The following IGFL4 variants were observed in gnomAD, a reference collection of about 807,000 sequenced individuals.
The protein encoded by IGFL4 is insulin growth factor-like family member 4.
IGFL4 carries 12 observed loss-of-function variants against 15.4 expected under a neutral mutation model. The observed-to-expected ratio is 0.78, with a 90% confidence interval of 0.50 to 1.26. The LOEUF (loss-of-function observed/expected upper bound fraction) is 1.26, where lower values mean the gene tolerates loss of function less well. Ranked by LOEUF, IGFL4 falls within the 50% of genes most tolerant of loss-of-function variation. The pLI is 0.00. For missense variants in IGFL4, 126 were observed against 147.8 expected, an observed-to-expected ratio of 0.85 and a Z score of 0.76; for synonymous variants, 54 against 55.9, an observed-to-expected ratio of 0.97 and a Z score of 0.16.
chr19:46,052,599 GT>G (rs1458579646), intron 2 of IGFL4, among the ~76,000 whole-genome samples: 4 of 152,004 alleles, frequency 2.6e-5, no homozygotes, highest in African/African-American at 7.3e-5. Flanking sequence ...GCATGTGCCT[GT>G]AATCCCAGCT....
Position 46,040,139 on chromosome 19 carries a change from C to A in IGFL4, c.330+18G>T. The A allele has an allele frequency of 6.2e-7, 1 of 1,612,502 alleles. No individual in the cohort carries two copies. The highest frequency in any genetic ancestry group is 8.5e-7 in the Non-Finnish European group (1 of 1,179,330). Reference sequence around the variant, plus strand: ...CTACTCCCCCCTCCCACAGCCTGGACTGGAGTCAGATCCTTACCTGGGCAC... The same window carrying A: ...CTACTCCCCCCTCCCACAGCCTGGAATGGAGTCAGATCCTTACCTGGGCAC... On this transcript the variant is annotated intron_variant, in intron 3 of 3. Transcript: ENST00000377697. This position sits in a 1 kb window ranked among gnomAD's most constrained non-coding sequence, Gnocchi z 4.1.
intron 2 of IGFL4, among the ~76,000 whole-genome samples, chr19:46,051,514 C>T (rs1254775028): frequency 6.6e-6 from 1 of 152,186 alleles, no homozygotes; most frequent in African/African-American, 2.4e-5. Flanking sequence ...CGCTGCACTC[C>T]AACCTGGGTG....
chr19:46,040,287 G>C lies in IGFL4; in HGVS notation c.200C>G (p.Thr67Ser). The change falls in exon 3 of 4, where the codon ACC becomes AGC. Residue 67 changes from threonine (T) to serine (S), a missense_variant. Thr to Ser is a moderately conservative substitution (Grantham distance 58). Coordinates refer to ENST00000377697, the MANE Select transcript of IGFL4 (RefSeq NM_001002923.3). The surrounding 1 kb of genome is among the most constrained non-coding windows in gnomAD (Gnocchi z 4.1). Reference protein sequence around the residue: ...NQTRLCGSSCTFWPCFQHCCL... With the variant: ...NQTRLCGSSCSFWPCFQHCCL... ...GCAGTGCTGGAAGCAGGGCCAGAAGGTGCAGCTGGAGCCGCAGAGCCGGGT... is the reference window on the plus strand; with the variant it reads ...GCAGTGCTGGAAGCAGGGCCAGAAGCTGCAGCTGGAGCCGCAGAGCCGGGT... 2 of 1,614,178 alleles carry C rather than the reference G, an allele frequency of 1.2e-6. No homozygotes were observed. Among genetic ancestry groups the C allele is most frequent in the Non-Finnish European group, 1.7e-6 (2 of 1,180,018 alleles).
At position 46,039,735 on chromosome 19, in the gene IGFL4, T is replaced by C. The variant is rs950307667; in HGVS notation, c.*157A>G. ...TAAGAATGCTTGTGATTTTTGTACA[T>C]TGATTTTGTATCCTGAGACTTTGCT... On this transcript the variant is annotated 3_prime_UTR_variant, in exon 4 of 4. Coordinates refer to ENST00000377697, the MANE Select transcript of IGFL4 (RefSeq NM_001002923.3). 27 of 635,162 alleles carry C rather than the reference T, an allele frequency of 4.3e-5. No homozygotes were observed. The South Asian group carries it at 4.6e-4, about 11-fold the overall frequency. The allele number at this position is 635,162 out of a possible 1,614,324, so 39.3% of individuals were successfully genotyped here.
At chr19:46,060,140 G>A (rs1461218333) in intron 2 of IGFL4, 1 of 152,144 alleles carries the variant, frequency 6.6e-6, no homozygotes, top group Non-Finnish European at 1.5e-5. Context: ...GATCCTTATT[G>A]TACTTATGCA....
rs1969234128 is a variant in IGFL4, at chr19:46,040,729, G to A, written c.20-161C>T. The A allele has an allele frequency of 3.1e-6, 3 of 975,162 alleles. No individual in the cohort carries two copies. Among genetic ancestry groups the A allele is most frequent in the Admixed American group, 2.1e-5 (1 of 48,504 alleles). 60.4% of individuals were successfully genotyped at this position (975,162 alleles called of 1,614,324 possible). ...GTCCTGGGGACTGGGCTTGGCAGGT[G>A]AGGAAAGGCAGGGAGGGCTCTGGGA... On this transcript the variant is annotated intron_variant, in intron 1 of 3. Coordinates refer to ENST00000377697, the MANE Select transcript of IGFL4 (RefSeq NM_001002923.3). The surrounding 1 kb of genome is among the most constrained non-coding windows in gnomAD (Gnocchi z 4.1).
intron 1 of IGFL4, among the ~76,000 whole-genome samples, chr19:46,064,723 A>G (rs1180147214): frequency 6.6e-6 from 1 of 152,148 alleles, no homozygotes; most frequent in Non-Finnish European, 1.5e-5. Context: ...GTTGTTTCCA[A>G]ATTTTGGCTA....
At chr19:46,050,295 A>C (rs1969333821) in intron 2 of IGFL4, among the ~76,000 whole-genome samples, 1 of 152,242 alleles carries the variant, frequency 6.6e-6, no homozygotes. Context: ...CTAGCTCACC[A>C]GCAATGGATC....
chr19:46,057,808 G>A (rs1391863682), intron 2 of IGFL4: 1 of 152,116 alleles, frequency 6.6e-6, no homozygotes, highest in Non-Finnish European at 1.5e-5. Flanking sequence ...TTGTGCAAGG[G>A]AACTCTCATT....
chr19:46,073,497 C>T (rs1278360884), intron 1 of IGFL4, among the ~76,000 whole-genome samples: 1 of 152,142 alleles, frequency 6.6e-6, no homozygotes, highest in Non-Finnish European at 1.5e-5. Flanking sequence ...CACAAGATAA[C>T]CAGCCAGGTG....
At chr19:46,073,655 C>T (rs1369102865) in intron 1 of IGFL4, among the ~76,000 whole-genome samples, 5 of 152,306 alleles carry the variant, frequency 3.3e-5, no homozygotes, top group African/African-American at 1.2e-4. Flanking sequence ...CACTCTTCCA[C>T]CCAGTCCATG....
intron 2 of IGFL4, among the ~76,000 whole-genome samples, chr19:46,051,496 G>A (rs1265748283): frequency 6.6e-6 from 1 of 152,192 alleles, no homozygotes; most frequent in Non-Finnish European, 1.5e-5. Flanking sequence ...AGTGAGCCGA[G>A]ATCGTGCCGC....
At chr19:46,070,509 A>G (rs942211274) in intron 1 of IGFL4, among the ~76,000 whole-genome samples, 1 of 152,104 alleles carries the variant, frequency 6.6e-6, no homozygotes, top group Non-Finnish European at 1.5e-5. Flanking sequence ...AAAAAAAGGA[A>G]TTTTATTTCT....
chr19:46,045,117 C>A (rs1362759037), upstream of IGFL4, among the ~76,000 whole-genome samples: 1 of 152,116 alleles, frequency 6.6e-6, no homozygotes, highest in African/African-American at 2.4e-5. Flanking sequence ...GGGCTGAGAC[C>A]GAGATGGCTG....
chr19:46,058,269 CA>C, intron 2 of IGFL4: 1 of 152,062 alleles, frequency 6.6e-6, no homozygotes, highest in Non-Finnish European at 1.5e-5. Flanking sequence ...AGGCCCCATG[CA>C]AGTTAGAAAT....
intron 1 of IGFL4, among the ~76,000 whole-genome samples, chr19:46,072,153 G>A (rs1009602433): frequency 6.6e-6 from 1 of 152,248 alleles, no homozygotes; most frequent in Non-Finnish European, 1.5e-5. Flanking sequence ...CTGTTTTCAG[G>A]TGGTGAACGA....
chr19:46,054,975 C>T (rs910361673), intron 2 of IGFL4, among the ~76,000 whole-genome samples: 3 of 152,096 alleles, frequency 2.0e-5, no homozygotes, highest in Non-Finnish European at 4.4e-5. Context: ...ATTTATAGGG[C>T]CACTTGAAGA....
chr19:46,069,148 G>C (rs1969521972), intron 1 of IGFL4, among the ~76,000 whole-genome samples: 2 of 152,192 alleles, frequency 1.3e-5, no homozygotes, highest in South Asian at 2.1e-4. Context: ...AGACATGAGA[G>C]GGAGTGGAGG....
At chr19:46,050,354 C>T (rs925917594) in intron 2 of IGFL4, among the ~76,000 whole-genome samples, 2 of 151,958 alleles carry the variant, frequency 1.3e-5, no homozygotes, top group Non-Finnish European at 2.9e-5. Context: ...TTCAGAAGAT[C>T]GATTATGAAG....
Sources: allele counts gnomAD v4.1 joint callset (sites outside exome capture counted in the v4.1 genomes callset), GRCh38; gene constraint gnomAD v4.1.1; non-coding constraint Gnocchi (gnomAD v3.1); transcripts MANE v1.5; gene names NCBI Gene and HGNC (gene_info 2026-07-23, HGNC 2026-07-21).